Variants in PTPRM observed in about 807,000 individuals in gnomAD.
PTPRM encodes receptor-type tyrosine-protein phosphatase mu.
A neutral mutation model predicts 186.7 loss-of-function variants in PTPRM; 47 were observed. That is an observed-to-expected ratio of 0.25 (90% CI 0.20 to 0.32). The LOEUF is 0.32. Ranked by LOEUF, PTPRM falls within the 10% of genes least tolerant of loss-of-function variation. PTPRM has a pLI of 1.00. For synonymous variants in PTPRM, 668 were observed against 674.9 expected (o/e 0.99, Z 0.16); for missense variants, 1,494 against 1,865.0 (o/e 0.80, Z 3.66).
rs745412820 is a variant in PTPRM at position 8,069,993 on chromosome 18, C to G, written c.1440C>G (p.Asp480Glu). 6.2e-7 allele frequency: 1 copy of G among 1,607,412 alleles called. No homozygotes were observed. The highest frequency in any genetic ancestry group is 8.5e-7 in the Non-Finnish European group (1 of 1,175,826). ...AACTCATAGTGCAGACAGATGAAGA[C>G]CGTGAGTACCTTTGAATGATATGTT... ...SQELIVQTDE[D>E]LPGAVPTESI... Residue 480 changes from aspartate to glutamate, a missense_variant and splice_region_variant, in exon 8 of 33, where the codon GAC becomes GAG. Asp to Glu is a conservative substitution (Grantham distance 45, BLOSUM62 2). This residue lies in a region of PTPRM where 1,107 missense variants were observed against 1,350.2 expected (regional missense o/e 0.82). Transcript: ENST00000580170.
intron 1 of PTPRM, among the ~76,000 whole-genome samples, chr18:7,616,296 T>C (rs1338063331): frequency 1.3e-5 from 2 of 152,074 alleles, no homozygotes; most frequent in Non-Finnish European, 2.9e-5. Context: ...GTACATGGAC[T>C]ACAGGCATAG....
intron 13 of PTPRM, among the ~76,000 whole-genome samples, chr18:8,115,988 C>T (rs1028918777): frequency 3.9e-5 from 6 of 152,142 alleles, no homozygotes; most frequent in African/African-American, 1.4e-4. Flanking sequence ...TCTATTTATA[C>T]TAATTTTAAA....
intron 2 of PTPRM, among the ~76,000 whole-genome samples, chr18:7,797,867 A>G (rs1240950560): frequency 6.6e-6 from 1 of 152,242 alleles, no homozygotes; most frequent in African/African-American, 2.4e-5. Flanking sequence ...TGCTGCTGCC[A>G]GCACTGGTGG....
intron 2 of PTPRM, among the ~76,000 whole-genome samples, chr18:7,854,108 A>G (rs2046987034): frequency 6.6e-6 from 1 of 152,186 alleles, no homozygotes; most frequent in Admixed American, 6.5e-5. Flanking sequence ...GTTTTTATGT[A>G]CCATAAGAGA....
intron 1 of PTPRM, among the ~76,000 whole-genome samples, chr18:7,687,625 C>T (rs545550513): frequency 6.6e-6 from 1 of 152,130 alleles, no homozygotes; most frequent in South Asian, 2.1e-4. Flanking sequence ...AATGTGTTGG[C>T]AGCAGAAGAT....
At chr18:8,116,481 A>G (rs1446559395) in intron 13 of PTPRM, among the ~76,000 whole-genome samples, 1 of 152,062 alleles carries the variant, frequency 6.6e-6, no homozygotes, top group Non-Finnish European at 1.5e-5. Flanking sequence ...CAAGGCCTGC[A>G]CTCCTAGCCC....
chr18:7,846,745 C>T (rs940679588), intron 2 of PTPRM, among the ~76,000 whole-genome samples: 1 of 152,182 alleles, frequency 6.6e-6, no homozygotes, highest in Non-Finnish European at 1.5e-5. Flanking sequence ...GCTTTCCTGT[C>T]CTAAGGCACT....
At chr18:7,845,475 C>G (rs1308484571) in intron 2 of PTPRM, among the ~76,000 whole-genome samples, 1 of 152,156 alleles carries the variant, frequency 6.6e-6, no homozygotes, top group Non-Finnish European at 1.5e-5. Flanking sequence ...GCATCTCACT[C>G]TTTCATGACC....
chr18:7,980,427 C>A (rs766853599), intron 7 of PTPRM, among the ~76,000 whole-genome samples: 5 of 152,000 alleles, frequency 3.3e-5, no homozygotes, highest in Non-Finnish European at 7.4e-5. Flanking sequence ...TGCTCTGTCA[C>A]CCAGGCTGGA....
intron 11 of PTPRM, 75 bp from the exon 12 acceptor site, chr18:8,113,411 G>C (rs1312846027): frequency 2.2e-6 from 3 of 1,364,938 alleles, no homozygotes; most frequent in Non-Finnish European, 3.1e-6. Flanking sequence ...TGTCCTGTGG[G>C]TCCATGCAGT....
chr18:7,901,635 A>G (rs796680719), intron 3 of PTPRM, among the ~76,000 whole-genome samples: 4 of 152,252 alleles, frequency 2.6e-5, no homozygotes, highest in South Asian at 2.1e-4. Context: ...AAGTGCTGGG[A>G]TTACAGGCAT....
chr18:7,689,956 G>T (rs762199912), intron 1 of PTPRM, among the ~76,000 whole-genome samples: 1 of 151,914 alleles, frequency 6.6e-6, no homozygotes, highest in Admixed American at 6.6e-5. Context: ...TTACATTCAC[G>T]TGCCTTAGGC....
At chr18:7,893,516 G>T (rs113806605) in intron 3 of PTPRM, among the ~76,000 whole-genome samples, 1 of 152,156 alleles carries the variant, frequency 6.6e-6, no homozygotes, top group Non-Finnish European at 1.5e-5. Flanking sequence ...GGAAGAAGAA[G>T]ATCAGAGCAA....
intron 14 of PTPRM, among the ~76,000 whole-genome samples, chr18:8,235,476 T>TTTTTTTTTTTTTTTCTTTG (rs1481569126): frequency 7.3e-6 from 1 of 136,770 alleles, no homozygotes; most frequent in Non-Finnish European, 1.6e-5. Flanking sequence ...TTTTTTTTTT[T>TTTTTTTTTTTTTTTCTTTG]TTTAGCCTGG....
chr18:8,370,471 A>T (rs1039008318), intron 23 of PTPRM, among the ~76,000 whole-genome samples: 2 of 152,206 alleles, frequency 1.3e-5, no homozygotes, highest in African/African-American at 4.8e-5. Context: ...TTAGTGTTCA[A>T]TCTGATTTTC....
chr18:7,933,825 A>ATG (rs1041894136), intron 5 of PTPRM, among the ~76,000 whole-genome samples: 9 of 152,218 alleles, frequency 5.9e-5, no homozygotes, highest in African/African-American at 2.2e-4. Context: ...AATTCATAGA[A>ATG]TGTAGTGGTG....
chr18:8,345,348 A>G (rs539929206), intron 23 of PTPRM, among the ~76,000 whole-genome samples: 38 of 152,348 alleles, frequency 2.5e-4, no homozygotes, highest in African/African-American at 9.1e-4. Context: ...GGTTAATAAC[A>G]TGGACCTCTG....
intron 1 of PTPRM, among the ~76,000 whole-genome samples, chr18:7,755,898 T>A (rs2041463674): frequency 6.6e-6 from 1 of 152,230 alleles, no homozygotes. Flanking sequence ...TTGTTCTCCC[T>A]CTAGTGTTCC....
chr18:8,398,149 T>G (rs1598609530), intron 32 of PTPRM, among the ~76,000 whole-genome samples: 1 of 152,194 alleles, frequency 6.6e-6, no homozygotes, highest in East Asian at 1.9e-4. Context: ...GTTTTTTATT[T>G]TTATTTTTAT....
Sources: gnomAD v4.1 joint callset for allele counts (sites outside exome capture counted in the v4.1 genomes callset) on GRCh38, gnomAD v4.1.1 for gene constraint, gnomAD v4.1.1 regional missense constraint, MANE v1.5 for transcripts, NCBI Gene and HGNC (gene_info 2026-07-23, HGNC 2026-07-21) for gene names.